Variants in NAALADL2 observed in about 807,000 individuals in gnomAD.
NAALADL2 encodes inactive N-acetylated-alpha-linked acidic dipeptidase-like protein 2.
NAALADL2 carries 76 observed loss-of-function variants against 87.2 expected under a neutral mutation model. The observed-to-expected ratio is 0.87, with a 90% CI of 0.72 to 1.05. The LOEUF (loss-of-function observed/expected upper bound fraction) is 1.05, where lower values mean the gene tolerates loss of function less well. Ranked by LOEUF, NAALADL2 falls within the 50% of genes least tolerant of loss-of-function variation. NAALADL2 has a pLI of 0.00. For missense variants in NAALADL2, 1,089 were observed against 945.8 expected (o/e 1.15, Z -1.99); for synonymous variants, 354 against 331.0 (o/e 1.07, Z -0.75).
chr3:175,307,094 GT>G (rs1418437861), intron 4 of NAALADL2, among the ~76,000 whole-genome samples: 1 of 151,928 alleles, frequency 6.6e-6, no homozygotes, highest in Non-Finnish European at 1.5e-5. Flanking sequence ...TTTAAAATTT[GT>G]TTAAAACCAG....
intron 2 of NAALADL2, among the ~76,000 whole-genome samples, chr3:175,155,564 T>C (rs1007456220): frequency 3.9e-5 from 6 of 152,192 alleles, no homozygotes; most frequent in African/African-American, 1.4e-4. Context: ...TAGTGAGGTT[T>C]TCTTGTCTTT....
chr3:175,090,267 A>G (rs1446317007), intron 1 of NAALADL2, among the ~76,000 whole-genome samples: 1 of 151,996 alleles, frequency 6.6e-6, no homozygotes, highest in Non-Finnish European at 1.5e-5. Flanking sequence ...CCTAAATAAT[A>G]CCAAGTGTTC....
At chr3:175,386,246 G>GC (rs541774785) in intron 5 of NAALADL2, among the ~76,000 whole-genome samples, 2 of 151,160 alleles carry the variant, frequency 1.3e-5, no homozygotes, top group African/African-American at 4.9e-5. Context: ...TATTCTGTAG[G>GC]CCCCCCTCCC....
intron 3 of NAALADL2, among the ~76,000 whole-genome samples, chr3:174,827,624 CTTTA>C (rs1691459891): frequency 1.3e-5 from 2 of 152,150 alleles, no homozygotes; most frequent in Non-Finnish European, 2.9e-5. Context: ...GCATATGCAA[CTTTA>C]TTTATCTCTT....
chr3:175,386,615 A>G (rs1187903707), intron 5 of NAALADL2, among the ~76,000 whole-genome samples: 1 of 152,090 alleles, frequency 6.6e-6, no homozygotes, highest in African/African-American at 2.4e-5. Flanking sequence ...ATTTCAGAAC[A>G]GATCAATGGC....
chr3:175,075,751 G>A (rs1367458946), intron 1 of NAALADL2, among the ~76,000 whole-genome samples: 1 of 152,144 alleles, frequency 6.6e-6, no homozygotes, highest in Non-Finnish European at 1.5e-5. Flanking sequence ...TAATAACCAA[G>A]TTAATGCATG....
At chr3:175,193,235 T>G (rs1738471000) in intron 2 of NAALADL2, among the ~76,000 whole-genome samples, 1 of 151,828 alleles carries the variant, frequency 6.6e-6, no homozygotes, top group Admixed American at 6.6e-5. Context: ...TTCAAATTAT[T>G]TACACTCTCT....
chr3:175,091,362 A>G (rs11710853), intron 1 of NAALADL2, among the ~76,000 whole-genome samples: 41,343 of 151,894 alleles, frequency 0.27, 5,735 homozygotes, highest in Non-Finnish European at 0.3. Context: ...TTGACATTGA[A>G]AGCTTCAGGA....
At chr3:175,690,489 G>C (rs1736904314) in intron 11 of NAALADL2, among the ~76,000 whole-genome samples, 1 of 151,972 alleles carries the variant, frequency 6.6e-6, no homozygotes, top group Non-Finnish European at 1.5e-5. Context: ...TTTGTGTTTT[G>C]TTTCATCTCA....
At chr3:175,211,678 G>A in intron 2 of NAALADL2, among the ~76,000 whole-genome samples, 1 of 151,796 alleles carries the variant, frequency 6.6e-6, no homozygotes, top group Non-Finnish European at 1.5e-5. Flanking sequence ...ATGCTTTCTG[G>A]TGCCAATTTA....
intron 10 of NAALADL2, among the ~76,000 whole-genome samples, chr3:175,605,120 A>G (rs1723508169): frequency 6.6e-6 from 1 of 152,186 alleles, no homozygotes; most frequent in South Asian, 2.1e-4. Context: ...CTCTTACCAG[A>G]ATCAGCAGAG....
intron 2 of NAALADL2, among the ~76,000 whole-genome samples, chr3:174,612,560 A>G (rs1237213527): frequency 6.6e-6 from 1 of 151,962 alleles, no homozygotes; most frequent in African/African-American, 2.4e-5. Context: ...TGCTTGATCA[A>G]TTCTGTTATT....
chr3:175,619,572 C>T (rs1725918256), intron 10 of NAALADL2, among the ~76,000 whole-genome samples: 1 of 151,336 alleles, frequency 6.6e-6, no homozygotes, highest in Non-Finnish European at 1.5e-5. Context: ...GGAAAGAAAA[C>T]TCTCAATCAT....
rs1233017156 is a variant in NAALADL2, at chr3:175,245,674, AAAG to A, written c.820-10730_820-10728del. On this transcript the variant is annotated intron_variant, in intron 3 of 13. Coordinates refer to ENST00000454872, the MANE Select transcript of NAALADL2 (RefSeq NM_207015.3). ...TTTCAGCAAGTGTACATACTGCAGT[AAAG>A]AAGAAGTGATAAAATTGAGAAGTCA... Among the ~76,000 whole-genome samples the A allele has an allele frequency of 2.6e-5, 4 of 152,204 alleles. No homozygotes were observed. The East Asian group carries it at 7.7e-4, about 29-fold the overall frequency.
intron 3 of NAALADL2, among the ~76,000 whole-genome samples, chr3:174,844,109 G>A (rs1265026040): frequency 2.6e-5 from 4 of 152,120 alleles, no homozygotes; most frequent in African/African-American, 4.8e-5. Flanking sequence ...ATGTTGTAAA[G>A]CATTTACCTA....
intron 1 of NAALADL2, among the ~76,000 whole-genome samples, chr3:174,540,406 T>C (rs1423930067): frequency 6.6e-6 from 1 of 152,182 alleles, no homozygotes. Context: ...ACAGCACCTG[T>C]TCTATAATAT....
chr3:174,944,528 A>G (rs982802565), intron 1 of NAALADL2, among the ~76,000 whole-genome samples: 1 of 152,158 alleles, frequency 6.6e-6, no homozygotes, highest in Non-Finnish European at 1.5e-5. Context: ...CCATGGAAGT[A>G]TGGCCTGCAG....
chr3:174,571,100 G>A (rs1714862877), intron 2 of NAALADL2, among the ~76,000 whole-genome samples: 1 of 152,080 alleles, frequency 6.6e-6, no homozygotes, highest in Admixed American at 6.6e-5. Flanking sequence ...GGTGATGCTG[G>A]TGCTGCTAGT....
chr3:175,013,273 A>ACATATATTTT, intron 1 of NAALADL2, among the ~76,000 whole-genome samples: 4 of 94,812 alleles, frequency 4.2e-5, no homozygotes, highest in African/African-American at 2.1e-4. Flanking sequence ...ATTTTTATAT[A>ACATATATTTT]TATACATATA....
Sources: allele counts gnomAD v4.1 joint callset (sites outside exome capture counted in the v4.1 genomes callset), GRCh38; gene constraint gnomAD v4.1.1; transcripts MANE v1.5; gene names NCBI Gene and HGNC (gene_info 2026-07-23, HGNC 2026-07-21).